Variants in MCHR2 observed in about 807,000 individuals in gnomAD.
The protein encoded by MCHR2 is melanin-concentrating hormone receptor 2.
MCHR2 carries 15 observed loss-of-function variants against 24.8 expected under a neutral mutation model. The ratio of observed to expected loss-of-function variants is 0.60; its 90% CI spans 0.40 to 0.93. The LOEUF is 0.93. MCHR2 is among the 40% of genes least tolerant of loss of function. MCHR2 has a pLI of 0.00. For synonymous variants in MCHR2, 151 were observed against 147.6 expected (o/e 1.02, Z -0.17); for missense variants, 386 against 408.7 (o/e 0.94, Z 0.48).
chr6:99,954,459 C>T (rs367882545), intron 2 of MCHR2, among the ~76,000 whole-genome samples: 7 of 152,028 alleles, frequency 4.6e-5, no homozygotes, highest in African/African-American at 1.4e-4. Flanking sequence ...ACAAGTGGAA[C>T]GGTCCACACC....
chr6:99,986,013 T>C (rs902242084), intron 1 of MCHR2, among the ~76,000 whole-genome samples: 2 of 151,738 alleles, frequency 1.3e-5, no homozygotes, highest in African/African-American at 4.8e-5. Context: ...AAGCAAGCAA[T>C]GGACATGAAC....
intron 5 of MCHR2, among the ~76,000 whole-genome samples, chr6:99,930,590 A>G (rs1327308221): frequency 1.5e-5 from 2 of 136,660 alleles, no homozygotes; most frequent in Non-Finnish European, 3.2e-5. Context: ...CATTCATTTC[A>G]TCTTCTGTCA....
At chr6:99,980,243 T>C (rs1362000888) in intron 1 of MCHR2, among the ~76,000 whole-genome samples, 2 of 152,180 alleles carry the variant, frequency 1.3e-5, no homozygotes, top group African/African-American at 4.8e-5. Context: ...CACCACAGTC[T>C]CACCTATGGG....
intron 1 of MCHR2, among the ~76,000 whole-genome samples, chr6:99,964,674 G>A (rs1017235601): frequency 9.9e-5 from 15 of 151,934 alleles, no homozygotes; most frequent in African/African-American, 3.1e-4. Context: ...TGACACATGG[G>A]GATTATGGAG....
At chr6:99,989,904 A>C (rs1417830426) in intron 1 of MCHR2, among the ~76,000 whole-genome samples, 1 of 152,168 alleles carries the variant, frequency 6.6e-6, no homozygotes, top group Admixed American at 6.5e-5. Context: ...AATCTCCCTC[A>C]AAGAGAGCAG....
chr6:99,934,860 T>G (rs1401772662), intron 4 of MCHR2, among the ~76,000 whole-genome samples: 1 of 152,070 alleles, frequency 6.6e-6, no homozygotes, highest in Non-Finnish European at 1.5e-5. Flanking sequence ...AAGCATTTTG[T>G]ATATCTTTAC....
At chr6:99,941,240 C>CTTTT (rs112421841) in intron 4 of MCHR2, among the ~76,000 whole-genome samples, 7 of 120,634 alleles carry the variant, frequency 5.8e-5, no homozygotes, top group Non-Finnish European at 6.6e-5. Flanking sequence ...GGCTTGGAGG[C>CTTTT]TTTTTTTTTT....
chr6:99,989,146 T>C (rs1454149596), intron 1 of MCHR2, among the ~76,000 whole-genome samples: 1 of 152,142 alleles, frequency 6.6e-6, no homozygotes, highest in Non-Finnish European at 1.5e-5. Flanking sequence ...AGGTTTAAAA[T>C]TACTACCTAC....
At chr6:99,928,968 G>C (rs1446935746) in intron 5 of MCHR2, among the ~76,000 whole-genome samples, 1 of 151,730 alleles carries the variant, frequency 6.6e-6, no homozygotes, top group East Asian at 1.9e-4. Context: ...TTCTCTTGTG[G>C]GCATTTAGTG....
chr6:99,944,722 G>C lies in MCHR2; in HGVS notation c.393-1579C>G, dbSNP rs977495115. On this transcript the variant is annotated intron_variant, in intron 3 of 5. Transcript: ENST00000281806. ...CATTTTTACTGGAATTATAGGATGA[G>C]GAAGTCATGGGATCAAGCAATTAAG... 7.9e-5 allele frequency among the ~76,000 whole-genome samples: 12 copies of C among 152,262 alleles called. 1 individual carries two copies. The East Asian group carries it at 2.1e-3, about 27-fold the overall frequency.
chr6:99,935,032 G>A (rs1221163963), intron 4 of MCHR2, among the ~76,000 whole-genome samples: 1 of 151,984 alleles, frequency 6.6e-6, no homozygotes, highest in Non-Finnish European at 1.5e-5. Context: ...GATGGTGGGA[G>A]AAGTAATGAA....
chr6:99,941,109 T>C (rs987373551), intron 4 of MCHR2, among the ~76,000 whole-genome samples: 1 of 152,038 alleles, frequency 6.6e-6, no homozygotes, highest in African/African-American at 2.4e-5. Context: ...GTTGTCTACC[T>C]TGATCTCGTT....
At chr6:99,963,359 A>G (rs1397258663) in intron 1 of MCHR2, among the ~76,000 whole-genome samples, 1 of 152,148 alleles carries the variant, frequency 6.6e-6, no homozygotes, top group East Asian at 1.9e-4. Context: ...ATATGCCACA[A>G]TATGAATGAA....
chr6:99,971,224 C>T (rs191680218), intron 1 of MCHR2, among the ~76,000 whole-genome samples: 57 of 152,166 alleles, frequency 3.7e-4, no homozygotes, highest in Admixed American at 7.8e-4. Flanking sequence ...TCTTTGCATC[C>T]TCTTATTTCA....
intron 1 of MCHR2, among the ~76,000 whole-genome samples, chr6:99,981,751 C>G (rs9403322): frequency 0.54 from 82,728 of 151,954 alleles, 22,716 homozygotes; most frequent in African/African-American, 0.57. Flanking sequence ...ATGAAAGTCT[C>G]TTTCCCTCCT....
At chr6:99,930,474 A>G (rs1418282883) in intron 5 of MCHR2, among the ~76,000 whole-genome samples, 4 of 152,162 alleles carry the variant, frequency 2.6e-5, no homozygotes, top group Non-Finnish European at 5.9e-5. Flanking sequence ...TTTCAGGTAC[A>G]CCAATCAGAC....
chr6:99,921,320 C>T (rs1326569868), intron 5 of MCHR2, 65 bp from the exon 6 acceptor site: 1 of 1,467,540 alleles, frequency 6.8e-7, no homozygotes, highest in Admixed American at 1.8e-5. Context: ...GCAATGTGTT[C>T]CTAGAACCTT....
intron 1 of MCHR2, among the ~76,000 whole-genome samples, chr6:99,960,805 G>A (rs1047097835): frequency 5.3e-5 from 8 of 151,870 alleles, no homozygotes; most frequent in Non-Finnish European, 1.0e-4. Context: ...GGACCCCTTC[G>A]TTACACCTTA....
intron 1 of MCHR2, among the ~76,000 whole-genome samples, chr6:99,967,979 C>T (rs1775325061): frequency 6.6e-6 from 1 of 152,112 alleles, no homozygotes; most frequent in Non-Finnish European, 1.5e-5. Context: ...GTCTCAGGTT[C>T]CCCATTGGTA....
Sources: allele counts gnomAD v4.1 joint callset (sites outside exome capture counted in the v4.1 genomes callset), GRCh38; gene constraint gnomAD v4.1.1; transcripts MANE v1.5; gene names NCBI Gene and HGNC (gene_info 2026-07-23, HGNC 2026-07-21).